PDZD2: variants seen among roughly 807,000 people sequenced by gnomAD.
PDZD2 encodes PDZ domain-containing protein 2.
PDZD2 carries 90 observed loss-of-function variants against 220.7 expected under a neutral mutation model. That is an observed-to-expected ratio of 0.41 (90% CI 0.34 to 0.49). The LOEUF is 0.49. PDZD2 is among the 20% of genes least tolerant of loss of function. The pLI, the probability that PDZD2 is intolerant of heterozygous loss-of-function variation, is 0.28. For missense variants in PDZD2, 3,174 were observed against 3,608.5 expected (o/e 0.88, Z 3.08); for synonymous variants, 1,375 against 1,450.5 (o/e 0.95, Z 1.18).
chr5:32,003,343 A>ACCACC (rs1752499459), intron 5 of PDZD2, among the ~76,000 whole-genome samples: 1 of 22,540 alleles, frequency 4.4e-5, no homozygotes, highest in African/African-American at 1.7e-4. Context: ...ACCACACCAC[A>ACCACC]CACACACCAC....
chr5:32,010,584 C>A (rs1243869047), intron 6 of PDZD2, 102 bp downstream of exon 6: 2 of 821,032 alleles, frequency 2.4e-6, no homozygotes, highest in Non-Finnish European at 4.3e-6. Flanking sequence ...ATGATAGAGA[C>A]CATGATGGGA....
At chr5:32,077,769 C>T (rs1741442949) in intron 19 of PDZD2, 163 bp downstream of exon 19, 3 of 616,550 alleles carry the variant, frequency 4.9e-6, no homozygotes, top group Non-Finnish European at 8.6e-6. Flanking sequence ...CCAGCCTGGC[C>T]AACATGGTGA....
chr5:31,757,089 G>C (rs530183165), intron 1 of PDZD2, among the ~76,000 whole-genome samples: 2 of 151,932 alleles, frequency 1.3e-5, no homozygotes, highest in Admixed American at 1.3e-4. Flanking sequence ...TTTGAGACCA[G>C]TCTAAGCAAC....
At chr5:32,095,775 C>T (rs1268687942) in intron 21 of PDZD2, among the ~76,000 whole-genome samples, 5 of 146,134 alleles carry the variant, frequency 3.4e-5, no homozygotes, top group Non-Finnish European at 5.9e-5. Context: ...GAGTCTCGCT[C>T]TGTTGCCCAG....
rs35589628 is a variant in PDZD2, at chr5:31,898,808, C to CTTTTTTTTTTTTTTTTTTTTTTTTTTT, written c.477-84329_477-84328insTTTTTTTTTTTTTTTTTTTTTTTTTTT. On this transcript the variant is annotated intron_variant, in intron 2 of 24. Coordinates refer to ENST00000438447, the MANE Select transcript of PDZD2 (RefSeq NM_178140.4). The stretch of plus-strand genomic sequence containing the variant: ...CTTAAGGATAGATGGAGCCTCTCTT[C>CTTTTTTTTTTTTTTTTTTTTTTTTTTT]TTTTTTTTTTTTTTTTTTGTTTTTT... Among the ~76,000 whole-genome samples the CTTTTTTTTTTTTTTTTTTTTTTTTTTT allele has an allele frequency of 1.9e-4, 24 of 123,454 alleles. 1 individual carries two copies. The highest frequency in any genetic ancestry group is 2.6e-4 in the Non-Finnish European group (16 of 60,630). The allele number at this position is 123,454 out of a possible 152,430, so 81.0% of individuals were successfully genotyped here. A position where few individuals can be genotyped will look rare whatever the true frequency, so the allele number is the denominator to read the frequency against.
In PDZD2 at chr5:32,001,500, C is replaced by T. The variant is rs1042196231; in HGVS notation, c.1254+1229C>T. 9.2e-5 allele frequency among the ~76,000 whole-genome samples: 14 copies of T among 152,118 alleles called. 1 individual carries two copies. The highest frequency in any genetic ancestry group is 2.2e-4 in the African/African-American group (9 of 41,396). On this transcript the variant is annotated intron_variant, in intron 5 of 24. Coordinates refer to ENST00000438447, the MANE Select transcript of PDZD2 (RefSeq NM_178140.4). Reference sequence around the variant, plus strand: ...GCAGAGGCCATGATGCCATCAGCAGCGCCAGGACCCGGGCCCTAACGCCCA... The same window carrying T: ...GCAGAGGCCATGATGCCATCAGCAGTGCCAGGACCCGGGCCCTAACGCCCA...
intron 7 of PDZD2, among the ~76,000 whole-genome samples, chr5:32,038,919 T>G (rs1302008161): frequency 6.6e-6 from 1 of 152,222 alleles, no homozygotes; most frequent in Non-Finnish European, 1.5e-5. Context: ...TTTTAAGAAA[T>G]GCACATTAAA....
rs1019389765 is a variant in PDZD2 at position 32,003,691 on chromosome 5, T to G, written c.1254+3420T>G. 2.0e-5 allele frequency among the ~76,000 whole-genome samples: 3 copies of G among 152,188 alleles called. No individual in the cohort carries two copies. The South Asian group carries it at 6.2e-4, about 32-fold the overall frequency. ...GTGCTGACTTCCTTCTCTTGTTAGT[T>G]TTTTTGTTTTTGTTTTTGTTTTTTG... is the stretch of plus-strand genomic sequence containing the variant. On this transcript the variant is annotated intron_variant, in intron 5 of 24. Coordinates refer to ENST00000438447, the MANE Select transcript of PDZD2 (RefSeq NM_178140.4).
intron 2 of PDZD2, among the ~76,000 whole-genome samples, chr5:31,804,479 C>T (rs562771125): frequency 6.6e-5 from 10 of 152,278 alleles, no homozygotes; most frequent in African/African-American, 1.9e-4. Context: ...GGATGTCTGC[C>T]AGCCACTGTC....
intron 4 of PDZD2, among the ~76,000 whole-genome samples, chr5:31,999,248 C>CT (rs1435182496): frequency 3.3e-4 from 16 of 48,802 alleles, no homozygotes; most frequent in Admixed American, 8.0e-4. Flanking sequence ...TTCTTAATTG[C>CT]TTTTTTTTGG....
chr5:31,852,242 G>A (rs1003125792), intron 2 of PDZD2, among the ~76,000 whole-genome samples: 2 of 152,074 alleles, frequency 1.3e-5, no homozygotes, highest in African/African-American at 2.4e-5. Context: ...ATATTTCTTT[G>A]CATTATACTT....
intron 1 of PDZD2, among the ~76,000 whole-genome samples, chr5:31,760,565 A>G (rs1349025168): frequency 6.6e-6 from 1 of 152,192 alleles, no homozygotes; most frequent in African/African-American, 2.4e-5. Context: ...AGAGATCTTT[A>G]TGTTGTCCAC....
At chr5:31,688,721 G>A (rs1384424320) in intron 1 of PDZD2, among the ~76,000 whole-genome samples, 1 of 152,174 alleles carries the variant, frequency 6.6e-6, no homozygotes, top group Non-Finnish European at 1.5e-5. Flanking sequence ...ATTACCTCCT[G>A]CGTCCCCTCC....
intron 1 of PDZD2, among the ~76,000 whole-genome samples, chr5:31,724,013 C>T (rs1204364611): frequency 2.0e-5 from 3 of 152,144 alleles, no homozygotes; most frequent in Non-Finnish European, 4.4e-5. Flanking sequence ...AGGCCAAGTG[C>T]TGTAAACATC....
intron 1 of PDZD2, among the ~76,000 whole-genome samples, chr5:31,723,625 A>T (rs1748933794): frequency 6.6e-6 from 1 of 151,684 alleles, no homozygotes; most frequent in Non-Finnish European, 1.5e-5. Flanking sequence ...TATTATTTTT[A>T]TTATTTTTTG....
chr5:31,673,559 C>A (rs971116262), intron 1 of PDZD2, among the ~76,000 whole-genome samples: 3 of 152,156 alleles, frequency 2.0e-5, no homozygotes, highest in East Asian at 3.9e-4. Flanking sequence ...GATTTTGTCC[C>A]CCAACTTTAT....
In PDZD2 at chr5:31,646,572, T is replaced by A. The variant is rs1745144013; in HGVS notation, c.-361+7135T>A. ...ATGGACACTTATAAAATGTCTGATT[T>A]CAGCTGTGTTTTCAGTTGAACACCC... On this transcript the variant is annotated intron_variant, in intron 1 of 24. Transcript: ENST00000438447. This position sits in a 1 kb window ranked among gnomAD's most constrained non-coding sequence, Gnocchi z 4.7. Among the ~76,000 whole-genome samples the A allele has an allele frequency of 1.3e-5, 2 of 152,206 alleles. No individual in the cohort carries two copies. The highest frequency in any genetic ancestry group is 4.1e-4 in the South Asian group (2 of 4,832).
intron 1 of PDZD2, among the ~76,000 whole-genome samples, chr5:31,726,442 T>A (rs1016719614): frequency 9.9e-5 from 15 of 152,146 alleles, no homozygotes; most frequent in Non-Finnish European, 5.9e-5. Flanking sequence ...GGCAGGAGAA[T>A]CACTTGAACC....
chr5:31,762,607 C>A (rs1003608003), intron 1 of PDZD2, among the ~76,000 whole-genome samples: 10 of 152,164 alleles, frequency 6.6e-5, no homozygotes, highest in African/African-American at 1.4e-4. Flanking sequence ...ACTTCTTATG[C>A]TAGCACAGGC....
Sources: allele counts gnomAD v4.1 joint callset (sites outside exome capture counted in the v4.1 genomes callset), GRCh38; gene constraint gnomAD v4.1.1; non-coding constraint Gnocchi (gnomAD v3.1); transcripts MANE v1.5; gene names NCBI Gene and HGNC (gene_info 2026-07-23, HGNC 2026-07-21).